The following P2RX3 variants were observed in gnomAD, a reference collection of about 807,000 sequenced individuals.
P2RX3 encodes purinergic receptor P2X 3.
Under a neutral mutation model 51.5 loss-of-function variants are expected in P2RX3, and 41 were observed. The observed-to-expected ratio is 0.80, with a 90% CI of 0.62 to 1.03. The LOEUF is 1.03. Ranked by LOEUF, P2RX3 falls within the 50% of genes least tolerant of loss-of-function variation. The pLI is 0.00. For missense variants in P2RX3, 459 were observed against 522.1 expected, an observed-to-expected ratio of 0.88 and a Z score of 1.18; for synonymous variants, 185 against 191.6, an observed-to-expected ratio of 0.97 and a Z score of 0.29.
At position 57,370,909 on chromosome 11, in the gene P2RX3, A is replaced by C. The variant is rs1344523425; in HGVS notation, c.*912A>C. 6.6e-6 allele frequency among the ~76,000 whole-genome samples: 1 copy of C among 152,160 alleles called. No individual in the cohort carries two copies. The highest frequency in any genetic ancestry group is 1.5e-5 in the Non-Finnish European group (1 of 68,018). ...GAGTTCAGCAGTCCTCATTTACAACAACAGTGAAAATGCTCCAGTAAGGCC... is the reference window on the plus strand; with the variant it reads ...GAGTTCAGCAGTCCTCATTTACAACCACAGTGAAAATGCTCCAGTAAGGCC... On this transcript the variant is annotated 3_prime_UTR_variant, in exon 12 of 12. Coordinates refer to ENST00000263314, the MANE Select transcript of P2RX3 (RefSeq NM_002559.5).
chr11:57,347,489 C>G lies in P2RX3; in HGVS notation c.391+11C>G. On this transcript the variant is annotated intron_variant, in intron 4 of 11. Transcript: ENST00000263314. Reference sequence around the variant, plus strand: ...GCTTGCCAGGTGGGGGTGAGTCCAGCCCCTTACCCACCCCACAATCCCAAG... The same window carrying G: ...GCTTGCCAGGTGGGGGTGAGTCCAGGCCCTTACCCACCCCACAATCCCAAG... 1 of 1,553,260 alleles carries G rather than the reference C, an allele frequency of 6.4e-7. No homozygotes were observed. Among genetic ancestry groups the G allele is most frequent in the Non-Finnish European group, 8.7e-7 (1 of 1,148,122 alleles).
At chr11:57,368,188 C>A (rs201384787) in intron 9 of P2RX3, 86 bp downstream of exon 9, 5 of 1,425,454 alleles carry the variant, frequency 3.5e-6, no homozygotes, top group South Asian at 1.2e-5. Flanking sequence ...CTCTGGGGGG[C>A]AGGGGTCTGC....
At position 57,347,040 on chromosome 11, in the gene P2RX3, G is replaced by A. The variant is rs1277721791; in HGVS notation, c.256-76G>A. Reference sequence around the variant, plus strand: ...CCTTGCTTTCCTCATCTGTAGAGTGGGGATAATCAGTTATAGTCCCTGTCT... The same window carrying A: ...CCTTGCTTTCCTCATCTGTAGAGTGAGGATAATCAGTTATAGTCCCTGTCT... On this transcript the variant is annotated intron_variant, in intron 2 of 11. Coordinates refer to ENST00000263314, the MANE Select transcript of P2RX3 (RefSeq NM_002559.5). 10 of 1,404,028 alleles carry A rather than the reference G, an allele frequency of 7.1e-6. No homozygotes were observed. In the East Asian group the frequency reaches 2.1e-4, roughly 29 times the overall value. The allele number at this position is 1,404,028 out of a possible 1,614,324, so 87.0% of individuals were successfully genotyped here.
intron 8 of P2RX3, among the ~76,000 whole-genome samples, chr11:57,361,346 G>A (rs181246519): frequency 1.4e-3 from 215 of 151,660 alleles, no homozygotes; most frequent in African/African-American, 4.8e-3. Context: ...GGTTTGTTAC[G>A]TAGGTAAACG....
chr11:57,337,837 T>C (rs946414218), upstream of P2RX3, among the ~76,000 whole-genome samples: 3 of 152,066 alleles, frequency 2.0e-5, no homozygotes, highest in Non-Finnish European at 4.4e-5. Context: ...ATAAGAATAA[T>C]AATAAAAAGA....
chr11:57,364,055 G>C (rs914045277), intron 8 of P2RX3, among the ~76,000 whole-genome samples: 6 of 152,138 alleles, frequency 3.9e-5, no homozygotes, highest in Non-Finnish European at 7.4e-5. Flanking sequence ...ACGACTTTTT[G>C]TTCTCCAAGT....
At chr11:57,339,359 C>T (rs571898824) in intron 1 of P2RX3, among the ~76,000 whole-genome samples, 4 of 152,118 alleles carry the variant, frequency 2.6e-5, no homozygotes, top group Admixed American at 2.0e-4. Context: ...AACATAGTGC[C>T]GCTCCCTCCC....
chr11:57,346,220 TCTCA>T (rs1385855143), intron 1 of P2RX3, among the ~76,000 whole-genome samples: 3 of 152,166 alleles, frequency 2.0e-5, no homozygotes, highest in Non-Finnish European at 2.9e-5. Flanking sequence ...GAAAATTGGT[TCTCA>T]CTCTTTTTAT....
intron 7 of P2RX3, 51 bp from the exon 8 acceptor site, chr11:57,350,711 G>A (rs1380025509): frequency 1.9e-6 from 3 of 1,601,710 alleles, no homozygotes; most frequent in South Asian, 2.2e-5. Flanking sequence ...CTGGCCCAGA[G>A]CAGGGAGTCA....
At chr11:57,359,848 G>C (rs936810458) in intron 8 of P2RX3, among the ~76,000 whole-genome samples, 1 of 152,162 alleles carries the variant, frequency 6.6e-6, no homozygotes, top group African/African-American at 2.4e-5. Flanking sequence ...GTAAAATCAG[G>C]CATGTTGCCT....
intron 8 of P2RX3, among the ~76,000 whole-genome samples, chr11:57,363,653 T>A (rs1856754002): frequency 2.0e-5 from 3 of 152,186 alleles, no homozygotes; most frequent in Admixed American, 2.0e-4. Context: ...CTGGGAAATG[T>A]GGTCTAATCA....
At chr11:57,355,777 C>T (rs901700480) in intron 8 of P2RX3, among the ~76,000 whole-genome samples, 9 of 152,232 alleles carry the variant, frequency 5.9e-5, no homozygotes, top group Admixed American at 5.2e-4. Context: ...AGGGAATTAA[C>T]ATCTGGGACG....
intron 1 of P2RX3, among the ~76,000 whole-genome samples, chr11:57,343,047 G>C (rs1209857137): frequency 6.6e-6 from 1 of 152,224 alleles, no homozygotes; most frequent in African/African-American, 2.4e-5. Flanking sequence ...GAAGGCTCAG[G>C]CCTGCCCTAG....
intron 8 of P2RX3, among the ~76,000 whole-genome samples, chr11:57,361,795 G>T (rs981337523): frequency 6.6e-6 from 1 of 152,262 alleles, no homozygotes; most frequent in African/African-American, 2.4e-5. Flanking sequence ...ATTCCTTTGG[G>T]TATATACCCA....
At position 57,371,731 on chromosome 11, in the gene P2RX3, C is replaced by T. The variant is rs79172507; in HGVS notation, c.*1734C>T. Among the ~76,000 whole-genome samples, 15 of 152,320 alleles carry T rather than the reference C, an allele frequency of 9.8e-5. No homozygotes were observed. In the East Asian group the frequency reaches 2.9e-3, roughly 29 times the overall value. ...ATTGGGCAGTGCCTGGAGATCTGAC[C>T]AGACTATGCTTCTCCAGCAGAGACA... On this transcript the variant is annotated 3_prime_UTR_variant, in exon 12 of 12. Coordinates refer to ENST00000263314, the MANE Select transcript of P2RX3 (RefSeq NM_002559.5).
rs761511364 is a variant in P2RX3 at position 57,350,941 on chromosome 11, G to A, written c.842+43G>A. 1.9e-6 allele frequency: 3 copies of A among 1,612,916 alleles called. No individual in the cohort carries two copies. In the Admixed American group the frequency reaches 5.0e-5, roughly 27 times the overall value. On this transcript the variant is annotated intron_variant, in intron 8 of 11. Coordinates refer to ENST00000263314, the MANE Select transcript of P2RX3 (RefSeq NM_002559.5). ...GGGACACCAGGAGAAGAAGGTGCGG[G>A]CTGTTAACGGCAATGTTTATTGGGG...
intron 8 of P2RX3, among the ~76,000 whole-genome samples, chr11:57,363,610 A>G (rs1856753260): frequency 6.6e-6 from 1 of 152,170 alleles, no homozygotes; most frequent in African/African-American, 2.4e-5. Flanking sequence ...ATCAGCAAAA[A>G]CTAGTCATGG....
intron 8 of P2RX3, among the ~76,000 whole-genome samples, chr11:57,356,345 C>T (rs190044893): frequency 2.4e-4 from 37 of 152,312 alleles, no homozygotes; most frequent in African/African-American, 8.2e-4. Context: ...GTGTGATTGA[C>T]GGGAGAGAAT....
rs1340235252 is a variant in P2RX3 at position 57,338,516 on chromosome 11, C to A, written c.-35C>A. On this transcript the variant is annotated 5_prime_UTR_variant, in exon 1 of 12. Transcript: ENST00000263314. ...TCCCTCTCCTGAGGCCACCACTGGG[C>A]CCCCTTCTGAGTGTCCCCTGAGCAC... The A allele has an allele frequency of 2.0e-6, 3 of 1,490,004 alleles. No individual in the cohort carries two copies. The highest frequency in any genetic ancestry group is 2.0e-4 in the Middle Eastern group (1 of 4,944). The allele number at this position is 1,490,004 out of a possible 1,614,324, so 92.3% of individuals were successfully genotyped here.
Sources: gnomAD v4.1 joint callset for allele counts (sites outside exome capture counted in the v4.1 genomes callset) on GRCh38, gnomAD v4.1.1 for gene constraint, MANE v1.5 for transcripts, NCBI Gene and HGNC (gene_info 2026-07-23, HGNC 2026-07-21) for gene names.